Variants in NXPE3 observed in about 807,000 individuals in gnomAD.
NXPE3 encodes the protein NXPE family member 3.
A neutral mutation model predicts 46.1 loss-of-function variants in NXPE3; 26 were observed. The ratio of observed to expected loss-of-function variants is 0.56; its 90% confidence interval spans 0.41 to 0.78. NXPE3 has a LOEUF of 0.78. Among genes scored for constraint, NXPE3 ranks in the 30% least tolerant of loss-of-function variants. The pLI is 0.00. For synonymous variants in NXPE3, 272 were observed against 257.9 expected (o/e 1.05, Z -0.52); for missense variants, 620 against 686.0 (o/e 0.90, Z 1.07).
At chr3:101,811,249 G>T (rs1181482218) in intron 6 of NXPE3, among the ~76,000 whole-genome samples, 2 of 152,296 alleles carry the variant, frequency 1.3e-5, no homozygotes, top group African/African-American at 2.4e-5. Context: ...AGGTCTGTGG[G>T]TTAATAAATG....
chr3:101,806,090 T>C (rs749783899), intron 5 of NXPE3, among the ~76,000 whole-genome samples: 4 of 152,130 alleles, frequency 2.6e-5, no homozygotes, highest in Non-Finnish European at 5.9e-5. Flanking sequence ...GTCAGCTCCA[T>C]GAAGAAGGAG....
chr3:101,781,566 C>T (rs1019394539), intron 1 of NXPE3: 17 of 152,172 alleles, frequency 1.1e-4, no homozygotes, highest in African/African-American at 3.9e-4. Flanking sequence ...CAGAACACTT[C>T]CAACAAATAC....
chr3:101,783,361 T>C (rs1939944230), intron 3 of NXPE3, among the ~76,000 whole-genome samples: 1 of 152,192 alleles, frequency 6.6e-6, no homozygotes, highest in Non-Finnish European at 1.5e-5. Context: ...GCACCTGGCC[T>C]GGTATATATC....
chr3:101,826,448 C>T lies in NXPE3; in HGVS notation c.*4494C>T, dbSNP rs1264651367. The T allele has an allele frequency of 3.9e-5, 6 of 152,152 alleles. No homozygotes were observed. Among genetic ancestry groups the T allele is most frequent in the Non-Finnish European group, 7.3e-5 (5 of 68,030 alleles). 9.4% of individuals were successfully genotyped at this position (152,152 alleles called of 1,614,324 possible). A position where few individuals can be genotyped will look rare whatever the true frequency, so the allele number is the denominator to read the frequency against. The stretch of plus-strand genomic sequence containing the variant: ...AGTGTATTTATTTTCTTGTGTTAAG[C>T]ATTATTCTACCTGGTTTATGTCTAC... On this transcript the variant is annotated 3_prime_UTR_variant, in exon 8 of 8. Coordinates refer to ENST00000273347, the MANE Select transcript of NXPE3 (RefSeq NM_145037.4).
intron 3 of NXPE3, 50 bp downstream of exon 3, chr3:101,782,830 G>C (rs1164432363): frequency 6.6e-6 from 1 of 151,976 alleles, no homozygotes; most frequent in East Asian, 1.9e-4. Flanking sequence ...TTGTGTGTGT[G>C]GAGTTGGGGG....
At chr3:101,784,358 G>A (rs1940021718) in intron 3 of NXPE3, among the ~76,000 whole-genome samples, 1 of 152,166 alleles carries the variant, frequency 6.6e-6, no homozygotes, top group Admixed American at 6.5e-5. Flanking sequence ...GAACTCTGAG[G>A]ATGGAGAGCT....
intron 6 of NXPE3, 117 bp from the exon 7 acceptor site, chr3:101,816,678 A>G: frequency 3.9e-6 from 3 of 775,130 alleles, no homozygotes; most frequent in Non-Finnish European, 6.1e-6. Flanking sequence ...ACAGCAGGAA[A>G]TGTTTCCCAC....
intron 4 of NXPE3, among the ~76,000 whole-genome samples, chr3:101,800,810 T>C (rs1400421927): frequency 6.6e-6 from 1 of 152,112 alleles, no homozygotes; most frequent in East Asian, 1.9e-4. Context: ...TTAATATAAC[T>C]ACTACTGGTT....
chr3:101,814,550 AT>A (rs1941879371), intron 6 of NXPE3, among the ~76,000 whole-genome samples: 2 of 152,356 alleles, frequency 1.3e-5, no homozygotes, highest in African/African-American at 4.8e-5. Flanking sequence ...AACCAAAATA[AT>A]TTGGAGTAAC....
intron 7 of NXPE3, among the ~76,000 whole-genome samples, chr3:101,818,696 C>T (rs1942074174): frequency 8.9e-6 from 1 of 111,882 alleles, no homozygotes; most frequent in Non-Finnish European, 1.8e-5. Context: ...TACTTTAACC[C>T]TTAAGAATAT....
intron 6 of NXPE3, 41 bp downstream of exon 6, chr3:101,807,167 A>G (rs1576763694): frequency 6.8e-7 from 1 of 1,478,782 alleles, no homozygotes; most frequent in East Asian, 2.3e-5. Flanking sequence ...TGTTTTTCTT[A>G]CTAACTGGGT....
chr3:101,784,089 G>T (rs185825099), intron 3 of NXPE3, among the ~76,000 whole-genome samples: 1 of 152,124 alleles, frequency 6.6e-6, no homozygotes. Flanking sequence ...GTGGTATAGC[G>T]TAGGCCTCCA....
At position 101,806,289 on chromosome 3, in the gene NXPE3, C is replaced by CT. The variant is rs1941413968; in HGVS notation, c.849-764_849-763insT. On this transcript the variant is annotated intron_variant, in intron 5 of 7. Transcript: ENST00000273347. ...TATGTTTTTGTTTTTGGTCTAAGTACAAGAGACCTAGTTTTATTGTGACTC... is the reference window on the plus strand; with the variant it reads ...TATGTTTTTGTTTTTGGTCTAAGTACTAAGAGACCTAGTTTTATTGTGACTC... Among the ~76,000 whole-genome samples, 6 of 152,132 alleles carry CT rather than the reference C, an allele frequency of 3.9e-5. No homozygotes were observed. The South Asian group carries it at 1.2e-3, about 32-fold the overall frequency.
chr3:101,800,366 T>G (rs1941074421), intron 4 of NXPE3, among the ~76,000 whole-genome samples: 1 of 152,224 alleles, frequency 6.6e-6, no homozygotes, highest in Non-Finnish European at 1.5e-5. Flanking sequence ...TATTGATTTC[T>G]AGTTTAATTT....
At chr3:101,804,660 C>CT (rs200809873) in intron 5 of NXPE3, among the ~76,000 whole-genome samples, 3,314 of 152,160 alleles carry the variant, frequency 0.022, 124 homozygotes, top group African/African-American at 0.072. Context: ...AGCTGATATC[C>CT]TTTTTTACTT....
chr3:101,816,310 A>G (rs1941967369), intron 6 of NXPE3, among the ~76,000 whole-genome samples: 1 of 151,748 alleles, frequency 6.6e-6, no homozygotes, highest in Admixed American at 6.6e-5. Context: ...TCTGGGATAC[A>G]TGTGCAGAAT....
intron 4 of NXPE3, among the ~76,000 whole-genome samples, chr3:101,794,783 G>A (rs79491472): frequency 0.035 from 5,347 of 152,230 alleles, 360 homozygotes; most frequent in African/African-American, 0.12. Flanking sequence ...ATAACAGTCA[G>A]GAAGGAATGT....
At chr3:101,794,768 A>C (rs1940727921) in intron 4 of NXPE3, among the ~76,000 whole-genome samples, 1 of 152,206 alleles carries the variant, frequency 6.6e-6, no homozygotes, top group African/African-American at 2.4e-5. Context: ...CACATCAGTA[A>C]TGTTATAACA....
intron 4 of NXPE3, among the ~76,000 whole-genome samples, chr3:101,796,002 C>T (rs554725801): frequency 1.3e-5 from 2 of 152,154 alleles, no homozygotes; most frequent in Non-Finnish European, 2.9e-5. Flanking sequence ...TTTTCATTTG[C>T]AAGTACAATT....
Sources: allele counts gnomAD v4.1 joint callset (sites outside exome capture counted in the v4.1 genomes callset), GRCh38; gene constraint gnomAD v4.1.1; transcripts MANE v1.5; gene names NCBI Gene and HGNC (gene_info 2026-07-23, HGNC 2026-07-21).